Variants in CTIF observed in about 807,000 individuals in gnomAD.
The protein encoded by CTIF is cap binding complex dependent translation initiation factor, also known as CBP80/20-dependent translation initiation factor.
Under a neutral mutation model 66.0 loss-of-function variants are expected in CTIF, and 21 were observed. The observed-to-expected ratio is 0.32, with a 90% CI of 0.23 to 0.46. The LOEUF is 0.46. Ranked by LOEUF, CTIF falls within the 20% of genes least tolerant of loss-of-function variation. CTIF has a pLI of 1.00. For missense variants in CTIF, 739 were observed against 812.7 expected, an observed-to-expected ratio of 0.91 and a Z score of 1.10; for synonymous variants, 345 against 326.4, an observed-to-expected ratio of 1.06 and a Z score of -0.62.
At chr18:48,744,203 G>A (rs2092576936) in intron 7 of CTIF, among the ~76,000 whole-genome samples, 1 of 152,188 alleles carries the variant, frequency 6.6e-6, no homozygotes, top group South Asian at 2.1e-4. Context: ...TGAGCTCTGT[G>A]TTCAACCCTG....
At chr18:48,828,060 C>G (rs2068620124) in intron 10 of CTIF, among the ~76,000 whole-genome samples, 1 of 149,222 alleles carries the variant, frequency 6.7e-6, no homozygotes, top group African/African-American at 2.5e-5. Flanking sequence ...GCTTCCTTAG[C>G]CAGACTCTGC....
intron 1 of CTIF, among the ~76,000 whole-genome samples, chr18:48,615,433 C>T (rs566218745): frequency 1.1e-4 from 16 of 152,276 alleles, no homozygotes; most frequent in South Asian, 4.1e-4. Context: ...GGCCCCGCTG[C>T]GGAACAGGGA....
intron 1 of CTIF, among the ~76,000 whole-genome samples, chr18:48,616,895 G>T (rs2090410480): frequency 6.6e-6 from 1 of 152,200 alleles, no homozygotes; most frequent in African/African-American, 2.4e-5. Context: ...GTGAGCAAAA[G>T]CACAGAGGCA....
At chr18:48,802,754 G>C (rs1381530384) in intron 9 of CTIF, among the ~76,000 whole-genome samples, 1 of 152,218 alleles carries the variant, frequency 6.6e-6, no homozygotes, top group Non-Finnish European at 1.5e-5. Flanking sequence ...GGCTGCCCTT[G>C]AGCCTGGGAA....
At chr18:48,665,927 T>TTTTTGA (rs1300801609) in intron 5 of CTIF, among the ~76,000 whole-genome samples, 2 of 152,240 alleles carry the variant, frequency 1.3e-5, no homozygotes, top group Non-Finnish European at 2.9e-5. Flanking sequence ...AAAATACTGC[T>TTTTTGA]GTATCTTTTT....
Position 48,577,050 on chromosome 18 carries a change from G to T in CTIF, c.-29+37738G>T, listed in dbSNP as rs529722825. On this transcript the variant is annotated intron_variant, in intron 1 of 11. Transcript: ENST00000256413. ...AGCCCTGGTGTCAGGGTGTGATACT[G>T]ACTGAGTTTCACAGGCTGGCCTGGG... 9.8e-4 allele frequency among the ~76,000 whole-genome samples: 150 copies of T among 152,364 alleles called. 3 individuals are homozygous for T. The South Asian group carries it at 0.019, about 19-fold the overall frequency.
chr18:48,650,442 A>C (rs955089425), intron 3 of CTIF, among the ~76,000 whole-genome samples: 4 of 152,190 alleles, frequency 2.6e-5, no homozygotes, highest in Non-Finnish European at 5.9e-5. Flanking sequence ...AAGAATAAAA[A>C]GAAACAAACA....
intron 9 of CTIF, among the ~76,000 whole-genome samples, chr18:48,804,668 C>T (rs1490870174): frequency 6.6e-6 from 1 of 152,208 alleles, no homozygotes; most frequent in East Asian, 1.9e-4. Context: ...AGGAGGTTTG[C>T]CTGACCCAAT....
At chr18:48,574,901 A>C (rs1473373814) in intron 1 of CTIF, among the ~76,000 whole-genome samples, 1 of 152,158 alleles carries the variant, frequency 6.6e-6, no homozygotes, top group African/African-American at 2.4e-5. Context: ...CTGAATCTTT[A>C]AAATGGGGAG....
chr18:48,731,045 G>T (rs567380398), intron 7 of CTIF, among the ~76,000 whole-genome samples: 41 of 152,292 alleles, frequency 2.7e-4, no homozygotes, highest in African/African-American at 9.6e-4. Context: ...GGGGGCCAGG[G>T]AAAAGGCATG....
chr18:48,577,772 AC>A (rs934069381), intron 1 of CTIF, among the ~76,000 whole-genome samples: 6 of 152,254 alleles, frequency 3.9e-5, no homozygotes, highest in Admixed American at 3.3e-4. Flanking sequence ...AAGGCATTTC[AC>A]CATGTTGCCC....
chr18:48,551,494 T>C (rs914296239), intron 1 of CTIF, among the ~76,000 whole-genome samples: 1 of 152,204 alleles, frequency 6.6e-6, no homozygotes, highest in Non-Finnish European at 1.5e-5. Context: ...TGGTCCTCTG[T>C]TATGGCAGCC....
intron 7 of CTIF, among the ~76,000 whole-genome samples, chr18:48,745,858 A>AGAC (rs2092591782): frequency 8.5e-5 from 13 of 152,192 alleles, no homozygotes; most frequent in African/African-American, 3.1e-4. Flanking sequence ...TCTCTGTGAT[A>AGAC]ACGTCTCACC....
chr18:48,712,780 G>T (rs759410906), intron 7 of CTIF, among the ~76,000 whole-genome samples: 1 of 152,190 alleles, frequency 6.6e-6, no homozygotes, highest in Non-Finnish European at 1.5e-5. Flanking sequence ...CCTTCCCTAC[G>T]CATGCACACC....
At chr18:48,597,242 G>A (rs1392575927) in intron 1 of CTIF, among the ~76,000 whole-genome samples, 1 of 152,216 alleles carries the variant, frequency 6.6e-6, no homozygotes, top group Non-Finnish European at 1.5e-5. Flanking sequence ...ATAGAGTTAA[G>A]GGAACCACAG....
chr18:48,829,053 C>A (rs564021632), intron 10 of CTIF, among the ~76,000 whole-genome samples: 15 of 152,272 alleles, frequency 9.9e-5, no homozygotes, highest in Non-Finnish European at 1.6e-4. Flanking sequence ...GGGAGGGGAC[C>A]GGCAGCTGCT....
intron 1 of CTIF, among the ~76,000 whole-genome samples, chr18:48,547,189 T>A (rs1203928480): frequency 6.6e-6 from 1 of 152,162 alleles, no homozygotes; most frequent in Non-Finnish European, 1.5e-5. Context: ...CGGGGAGGCA[T>A]GTGCAGGATG....
chr18:48,593,161 G>A (rs2144007423), intron 1 of CTIF, among the ~76,000 whole-genome samples: 1 of 152,266 alleles, frequency 6.6e-6, no homozygotes, highest in South Asian at 2.1e-4. Context: ...GATTCCCTCT[G>A]GTCAGTGTAC....
chr18:48,825,334 C>T (rs1420430854), intron 10 of CTIF, among the ~76,000 whole-genome samples: 1 of 152,082 alleles, frequency 6.6e-6, no homozygotes, highest in Non-Finnish European at 1.5e-5. Context: ...GGGGTGCCCC[C>T]AAGGGACACA....
Sources: gnomAD v4.1 joint callset for allele counts (sites outside exome capture counted in the v4.1 genomes callset) on GRCh38, gnomAD v4.1.1 for gene constraint, MANE v1.5 for transcripts, NCBI Gene and HGNC (gene_info 2026-07-23, HGNC 2026-07-21) for gene names.